The following ZNF74 variants were observed in gnomAD, a reference collection of about 807,000 sequenced individuals.
ZNF74 encodes zinc finger protein 74.
A neutral mutation model predicts 17.7 loss-of-function variants in ZNF74; 12 were observed. The ratio of observed to expected loss-of-function variants is 0.68; its 90% CI spans 0.43 to 1.10. ZNF74 has a LOEUF of 1.10. ZNF74 is among the 50% of genes least tolerant of loss of function. The probability of loss-of-function intolerance (pLI) is 0.00; values close to 1 mark genes in which losing one functional copy is unlikely to be tolerated. For missense variants in ZNF74, 811 were observed against 881.0 expected (o/e 0.92, Z 1.01); for synonymous variants, 358 against 362.1 (o/e 0.99, Z 0.13).
In ZNF74 at chr22:20,405,821, T is replaced by A; in HGVS notation, c.788T>A (p.Leu263His). ...CGKAFRQSSS[L>H]TLHRRWHSRE... ...AAGGCGTTCCGCCAGAGCTCCTCCC[T>A]CACGCTGCACCGGCGCTGGCACAGC... Residue 263 changes from leucine to histidine, a missense_variant, in exon 5 of 5, where the codon CTC becomes CAC. Coordinates refer to ENST00000400451, the MANE Select transcript of ZNF74 (RefSeq NM_003426.4). The A allele has an allele frequency of 6.2e-7, 1 of 1,613,312 alleles. No homozygotes were observed. The highest frequency in any genetic ancestry group is 8.5e-7 in the Non-Finnish European group (1 of 1,179,880).
rs779510438 is a variant in ZNF74 at position 20,406,068 on chromosome 22, G to A, written c.1035G>A (p.Ser345=). The A allele has an allele frequency of 2.5e-6, 4 of 1,610,826 alleles. No individual in the cohort carries two copies. Among genetic ancestry groups the A allele is most frequent in the South Asian group, 1.1e-5 (1 of 90,940 alleles). ...GCGAGAAGGCCTTCAGCTGCAGCTC[G>A]CTGCTCAGCATGCACCTGCGGGTGC... ...SACEKAFSCS[S]LLSMHLRVHT... The change falls in exon 5 of 5, where the codon TCG becomes TCA. Residue 345 remains serine, a synonymous_variant. Coordinates refer to ENST00000400451, the MANE Select transcript of ZNF74 (RefSeq NM_003426.4).
chr22:20,405,447 C>T lies in ZNF74; in HGVS notation c.414C>T (p.Ile138=), dbSNP rs2052403163. ...ICKEEPAQEP[I]MERPLGGAQA... is the part of the protein sequence containing the mutation. ...AAGAAGAACCGGCCCAGGAGCCCAT[C>T]ATGGAGCGGCCCCTCGGCGGGGCGC... Residue 138 remains isoleucine, a synonymous_variant, in exon 5 of 5, where the codon ATC becomes ATT. Coordinates refer to ENST00000400451, the MANE Select transcript of ZNF74 (RefSeq NM_003426.4). The T allele has an allele frequency of 1.2e-6, 2 of 1,613,266 alleles. No individual in the cohort carries two copies. Among genetic ancestry groups the T allele is most frequent in the Admixed American group, 1.7e-5 (1 of 59,836 alleles).
rs2052404967 is a variant in ZNF74, at chr22:20,405,506, G to A, written c.473G>A (p.Arg158Lys). The A allele has an allele frequency of 6.2e-7, 1 of 1,605,670 alleles. No individual in the cohort carries two copies. The highest frequency in any genetic ancestry group is 1.7e-5 in the Admixed American group (1 of 58,090). Residue 158 changes from arginine (R) to lysine (K), a missense_variant, in exon 5 of 5, where the codon AGG becomes AAG. Around this residue, in one of 3 missense-constraint regions of ZNF74, gnomAD observed 666 missense variants for 702.3 expected, o/e 0.95. Transcript: ENST00000400451. ...AWGRQAGALQ[R>K]SQAAPWAPAP... is the part of the protein sequence containing the mutation. Reference sequence around the variant, plus strand: ...GGGCGCCAGGCAGGTGCTCTGCAGAGGAGTCAGGCTGCGCCCTGGGCGCCC... The same window carrying A: ...GGGCGCCAGGCAGGTGCTCTGCAGAAGAGTCAGGCTGCGCCCTGGGCGCCC...
At chr22:20,402,117 G>A (rs73879346) in intron 4 of ZNF74, among the ~76,000 whole-genome samples, 5,103 of 152,256 alleles carry the variant, frequency 0.034, 188 homozygotes, top group African/African-American at 0.094. Flanking sequence ...CATGTTAGGT[G>A]TCTAGAAAGC....
At position 20,401,552 on chromosome 22, in the gene ZNF74, C is replaced by T. The variant is rs2052357800; in HGVS notation, c.343+180C>T. On this transcript the variant is annotated intron_variant, in intron 4 of 4. Transcript: ENST00000400451. This position sits in a 1 kb window ranked among gnomAD's most constrained non-coding sequence, Gnocchi z 4.2. ...ACTGAGCACTGCCTGTGTGCTGAGACCTGTTCTGGGATACAACAGGGAACA... is the reference window on the plus strand; with the variant it reads ...ACTGAGCACTGCCTGTGTGCTGAGATCTGTTCTGGGATACAACAGGGAACA... 6.6e-6 allele frequency among the ~76,000 whole-genome samples: 1 copy of T among 152,238 alleles called. No individual in the cohort carries two copies. The highest frequency in any genetic ancestry group is 2.1e-4 in the South Asian group (1 of 4,834).
chr22:20,394,751 C>A (rs1276774831), intron 1 of ZNF74, 89 bp downstream of exon 1: 1 of 1,274,844 alleles, frequency 7.8e-7, no homozygotes, highest in Non-Finnish European at 1.1e-6. Flanking sequence ...TTCCCAGAAG[C>A]ATCCAGCATC....
chr22:20,404,274 C>T (rs1027856646), intron 4 of ZNF74, among the ~76,000 whole-genome samples: 2 of 152,228 alleles, frequency 1.3e-5, no homozygotes, highest in Admixed American at 6.5e-5. Context: ...ACATCCAACC[C>T]AGCACACAGG....
chr22:20,401,187 C>T lies in ZNF74; in HGVS notation c.248-90C>T, dbSNP rs1469450808. On this transcript the variant is annotated intron_variant, in intron 3 of 4. Transcript: ENST00000400451. The surrounding 1 kb of genome is among the most constrained non-coding windows in gnomAD (Gnocchi z 4.2). ...GTTCCCAGAGAGGGTGTCCACTTCA[C>T]AGGCATTGTCCTTGTTAGGGGGCGG... 3.7e-6 allele frequency: 3 copies of T among 813,552 alleles called. No individual in the cohort carries two copies. Among genetic ancestry groups the T allele is most frequent in the Non-Finnish European group, 6.1e-6 (3 of 495,304 alleles). 50.4% of individuals were successfully genotyped at this position (813,552 alleles called of 1,614,324 possible).
chr22:20,403,747 C>A (rs2052383072), intron 4 of ZNF74, among the ~76,000 whole-genome samples: 1 of 152,156 alleles, frequency 6.6e-6, no homozygotes, highest in Non-Finnish European at 1.5e-5. Context: ...GCAGCCTGGA[C>A]AACAGAGCGA....
intron 2 of ZNF74, chr22:20,399,646 C>A: frequency 2.8e-6 from 1 of 362,022 alleles, no homozygotes; most frequent in South Asian, 2.0e-5. Flanking sequence ...TCTTGGCTCA[C>A]TGCAACCTCC....
intron 2 of ZNF74, chr22:20,399,582 T>TC: frequency 2.4e-6 from 1 of 415,238 alleles, no homozygotes; most frequent in Non-Finnish European, 4.7e-6. Flanking sequence ...TTTTTTTTTT[T>TC]TTCTTTTGAC....
rs1437152275 is a variant in ZNF74, at chr22:20,405,785, G to A, written c.752G>A (p.Gly251Asp). The change falls in exon 5 of 5, where the codon GGC becomes GAC. Residue 251 changes from glycine to aspartate, a missense_variant. Physicochemically the swap from Gly to Asp is moderately conservative, Grantham distance 94. Around this residue, in one of 3 missense-constraint regions of ZNF74, gnomAD observed 666 missense variants for 702.3 expected, o/e 0.95. Transcript: ENST00000400451. ...AGAGEGEFVC[G>D]ECGKAFRQSS... ...GCCGGGGAGGGCGAGTTCGTGTGCGGCGAGTGCGGGAAGGCGTTCCGCCAG... is the reference window on the plus strand; with the variant it reads ...GCCGGGGAGGGCGAGTTCGTGTGCGACGAGTGCGGGAAGGCGTTCCGCCAG... 1 of 1,610,898 alleles carries A rather than the reference G, an allele frequency of 6.2e-7. No individual in the cohort carries two copies. The highest frequency in any genetic ancestry group is 8.5e-7 in the Non-Finnish European group (1 of 1,179,044).
intron 2 of ZNF74, among the ~76,000 whole-genome samples, chr22:20,397,898 C>T (rs757330979): frequency 5.3e-5 from 8 of 152,282 alleles, no homozygotes; most frequent in Middle Eastern, 3.4e-3. Flanking sequence ...ACCTTTTCCC[C>T]GCATCTTCAC....
Position 20,403,576 on chromosome 22 carries a change from C to G in ZNF74, c.344-1801C>G, listed in dbSNP as rs183631449. On this transcript the variant is annotated intron_variant, in intron 4 of 4. Transcript: ENST00000400451. ...AACTGGCCTCCCTAACTGCTGGCTC[C>G]AACCACCTTACACACCACCAAAGCC... 2.3e-3 allele frequency among the ~76,000 whole-genome samples: 347 copies of G among 152,132 alleles called. 2 individuals carry two copies. Among genetic ancestry groups the G allele is most frequent in the Middle Eastern group, 0.01 (3 of 294 alleles).
Position 20,406,305 on chromosome 22 carries a change from C to T in ZNF74, c.1272C>T (p.Ala424=). The T allele has an allele frequency of 6.2e-7, 1 of 1,612,166 alleles. No individual in the cohort carries two copies. The highest frequency in any genetic ancestry group is 2.2e-5 in the East Asian group (1 of 44,868). The change falls in exon 5 of 5, where the codon GCC becomes GCT. Residue 424 remains alanine, a synonymous_variant. Coordinates refer to ENST00000400451, the MANE Select transcript of ZNF74 (RefSeq NM_003426.4). ...KPFKCSDCEK[A]FNSRSRLTLH... ...TCAAGTGCAGCGACTGCGAGAAGGC[C>T]TTCAACAGCCGCTCGCGCCTCACCC...
intron 2 of ZNF74, chr22:20,400,382 T>C: frequency 2.0e-6 from 1 of 488,384 alleles, no homozygotes; most frequent in Non-Finnish European, 3.8e-6. Flanking sequence ...GCCAGGGCCC[T>C]GTGGTGTCTA....
At position 20,394,604 on chromosome 22, in the gene ZNF74, T is replaced by G. The variant is rs2052270323; in HGVS notation, c.-25T>G. ...TGGAGGCTACACAGCTGCCCACTCC[T>G]CCTGGGGAGGCTGCCGTGGAGGCCA... On this transcript the variant is annotated 5_prime_UTR_variant, in exon 1 of 5. Coordinates refer to ENST00000400451, the MANE Select transcript of ZNF74 (RefSeq NM_003426.4). The G allele has an allele frequency of 1.9e-6, 3 of 1,613,874 alleles. No homozygotes were observed. Among genetic ancestry groups the G allele is most frequent in the Non-Finnish European group, 2.5e-6 (3 of 1,179,920 alleles).
intron 4 of ZNF74, among the ~76,000 whole-genome samples, chr22:20,402,235 A>C (rs1177910588): frequency 6.6e-6 from 1 of 151,886 alleles, no homozygotes; most frequent in Non-Finnish European, 1.5e-5. Context: ...GCCACATACC[A>C]CCCAGCCCCA....
In ZNF74 at chr22:20,406,464, C is replaced by T; in HGVS notation, c.1431C>T (p.Cys477=). ...SGEKPFKCNE[C]GKAFSSHAYL... is the part of the protein sequence containing the mutation. ...AGAAGCCCTTCAAGTGCAACGAGTGCGGCAAAGCCTTCAGCTCCCACGCCT... is the reference window on the plus strand; with the variant it reads ...AGAAGCCCTTCAAGTGCAACGAGTGTGGCAAAGCCTTCAGCTCCCACGCCT... Residue 477 remains cysteine, a synonymous_variant, in exon 5 of 5, where the codon TGC becomes TGT. Transcript: ENST00000400451. 2 of 1,613,962 alleles carry T rather than the reference C, an allele frequency of 1.2e-6. No homozygotes were observed. The highest frequency in any genetic ancestry group is 1.7e-6 in the Non-Finnish European group (2 of 1,179,948).
Sources: allele counts gnomAD v4.1 joint callset (sites outside exome capture counted in the v4.1 genomes callset), GRCh38; gene constraint gnomAD v4.1.1; regional missense constraint gnomAD v4.1.1; non-coding constraint Gnocchi (gnomAD v3.1); transcripts MANE v1.5; gene names NCBI Gene and HGNC (gene_info 2026-07-23, HGNC 2026-07-21).